Variants in IQCB1 observed in about 807,000 individuals in gnomAD.
IQCB1 encodes the protein IQ motif containing B1.
IQCB1 carries 56 observed loss-of-function variants against 84.4 expected under a neutral mutation model. The ratio of observed to expected loss-of-function variants is 0.66; its 90% CI spans 0.54 to 0.83. IQCB1 has a LOEUF of 0.83. IQCB1 is among the 40% of genes least tolerant of loss of function. The pLI, the probability that IQCB1 is intolerant of heterozygous loss-of-function variation, is 0.00. For synonymous variants in IQCB1, 210 were observed against 234.8 expected (o/e 0.89, Z 0.96); for missense variants, 629 against 682.1 (o/e 0.92, Z 0.87).
At chr3:121,796,868 G>A (rs1949212070) in intron 9 of IQCB1, among the ~76,000 whole-genome samples, 1 of 151,906 alleles carries the variant, frequency 6.6e-6, no homozygotes, top group Admixed American at 6.6e-5. Context: ...TTAAAGATGG[G>A]GTTTTGCTAT....
At chr3:121,820,724 T>G (rs1227432637) in intron 5 of IQCB1, among the ~76,000 whole-genome samples, 2 of 87,860 alleles carry the variant, frequency 2.3e-5, no homozygotes, top group Non-Finnish European at 4.7e-5. Flanking sequence ...ATATATTATA[T>G]ATTATCTGTA....
chr3:121,823,006 AAAC>A (rs1415481233), intron 5 of IQCB1, among the ~76,000 whole-genome samples: 4 of 152,200 alleles, frequency 2.6e-5, no homozygotes, highest in African/African-American at 4.8e-5. Flanking sequence ...TTGGATTTAT[AAAC>A]AACAACTTAA....
intron 2 of IQCB1, among the ~76,000 whole-genome samples, chr3:121,831,558 G>A (rs1215409980): frequency 6.6e-6 from 1 of 152,062 alleles, no homozygotes; most frequent in Non-Finnish European, 1.5e-5. Context: ...TCAGAAATGG[G>A]GGTCCCTCTT....
rs79886353 is a variant in IQCB1 at position 121,822,602 on chromosome 3, C to T, written c.393+3449G>A. Reference sequence around the variant, plus strand: ...AAATTACCAGCAATTTCATCTTTTGCCTAGTGCTGGGTATACAGAGTTTGG... The same window carrying T: ...AAATTACCAGCAATTTCATCTTTTGTCTAGTGCTGGGTATACAGAGTTTGG... On this transcript the variant is annotated intron_variant, in intron 5 of 14. Coordinates refer to ENST00000310864, the MANE Select transcript of IQCB1 (RefSeq NM_001023570.4). Among the ~76,000 whole-genome samples, 547 of 152,236 alleles carry T rather than the reference C, an allele frequency of 3.6e-3. 4 individuals are homozygous for T. Among genetic ancestry groups the T allele is most frequent in the African/African-American group, 0.013 (524 of 41,542 alleles).
At chr3:121,802,184 T>C (rs1479630991) in intron 7 of IQCB1, among the ~76,000 whole-genome samples, 1 of 152,080 alleles carries the variant, frequency 6.6e-6, no homozygotes, top group Non-Finnish European at 1.5e-5. Context: ...TTCGATTTTC[T>C]AGAAAAGTTT....
Position 121,797,139 on chromosome 3 carries a change from G to T in IQCB1, c.855C>A (p.Val285=). Residue 285 remains valine (V), a synonymous_variant, in exon 9 of 15, where the codon GTC becomes GTA. Coordinates refer to ENST00000310864, the MANE Select transcript of IQCB1 (RefSeq NM_001023570.4). Reference sequence around the variant, plus strand: ...ATACCTGCTCTTCTACTTCCTGATAGACCATTGGGCTTAAAAGGCCAACAA... The same window carrying T: ...ATACCTGCTCTTCTACTTCCTGATATACCATTGGGCTTAAAAGGCCAACAA... ...RQLVGLLSPM[V]YQEVEEQKLH... 1 of 1,592,074 alleles carries T rather than the reference G, an allele frequency of 6.3e-7. No homozygotes were observed. Among genetic ancestry groups the T allele is most frequent in the African/African-American group, 1.3e-5 (1 of 74,290 alleles).
At chr3:121,782,822 G>A (rs937420135) in intron 12 of IQCB1, among the ~76,000 whole-genome samples, 1 of 152,122 alleles carries the variant, frequency 6.6e-6, no homozygotes, top group Non-Finnish European at 1.5e-5. Context: ...TGGGATTACA[G>A]GCATGCACCA....
intron 12 of IQCB1, among the ~76,000 whole-genome samples, chr3:121,783,983 A>C (rs550686538): frequency 1.3e-5 from 2 of 152,248 alleles, no homozygotes; most frequent in African/African-American, 4.8e-5. Flanking sequence ...TTTTGTTCCT[A>C]GTATATCTTA....
intron 3 of IQCB1, 45 bp downstream of exon 3, chr3:121,828,816 A>AT (rs1428389802): frequency 9.7e-6 from 12 of 1,240,106 alleles, no homozygotes; most frequent in Non-Finnish European, 1.3e-5. Flanking sequence ...CGATGGAACC[A>AT]TTTTTCACTT....
intron 2 of IQCB1, among the ~76,000 whole-genome samples, chr3:121,830,262 C>A (rs1950593186): frequency 6.6e-6 from 1 of 151,100 alleles, no homozygotes; most frequent in African/African-American, 2.4e-5. Flanking sequence ...AAAATCAATT[C>A]TCCTAACATT....
chr3:121,807,461 A>G lies in IQCB1; in HGVS notation c.488-18T>C. 8.3e-7 allele frequency: 1 copy of G among 1,204,852 alleles called. No homozygotes were observed. The highest frequency in any genetic ancestry group is 1.2e-6 in the Non-Finnish European group (1 of 810,286). The allele number at this position is 1,204,852 out of a possible 1,614,324, so 74.6% of individuals were successfully genotyped here. On this transcript the variant is annotated intron_variant, in intron 6 of 14. Coordinates refer to ENST00000310864, the MANE Select transcript of IQCB1 (RefSeq NM_001023570.4). Reference sequence around the variant, plus strand: ...TTGTAGTACTAAAGGAAAAGAAAAAAAAAGAAAGATTAAAGTAAAGATTTT... The same window carrying G: ...TTGTAGTACTAAAGGAAAAGAAAAAGAAAGAAAGATTAAAGTAAAGATTTT...
chr3:121,803,967 G>C (rs1949511236), intron 7 of IQCB1, among the ~76,000 whole-genome samples: 1 of 151,200 alleles, frequency 6.6e-6, no homozygotes, highest in Non-Finnish European at 1.5e-5. Context: ...TCTACCACTT[G>C]GTTTTGTTTC....
chr3:121,790,006 G>C (rs2108547608), intron 11 of IQCB1, 67 bp downstream of exon 11: 1 of 1,389,288 alleles, frequency 7.2e-7, no homozygotes, highest in Non-Finnish European at 1.0e-6. Context: ...CACGTAGCTA[G>C]AAAAGTTGGT....
rs1399015125 is a variant in IQCB1 at position 121,790,223 on chromosome 3, G to A, written c.987-8C>T. On this transcript the variant is annotated splice_polypyrimidine_tract_variant and splice_region_variant and intron_variant, in intron 10 of 14. Coordinates refer to ENST00000310864, the MANE Select transcript of IQCB1 (RefSeq NM_001023570.4). ...ATCTTTGATCGTTTGGATCTGTGAT[G>A]GAAACAGTGTGTTATACATAATTTT... 2 of 1,612,264 alleles carry A rather than the reference G, an allele frequency of 1.2e-6. No homozygotes were observed. Among genetic ancestry groups the A allele is most frequent in the South Asian group, 2.2e-5 (2 of 90,986 alleles).
intron 5 of IQCB1, among the ~76,000 whole-genome samples, chr3:121,817,110 G>A (rs1950091673): frequency 1.3e-5 from 2 of 152,144 alleles, no homozygotes; most frequent in South Asian, 4.1e-4. Flanking sequence ...CCTTTGCAGG[G>A]ACATGGATGA....
At chr3:121,824,064 C>T (rs1950367976) in intron 5 of IQCB1, among the ~76,000 whole-genome samples, 2 of 152,034 alleles carry the variant, frequency 1.3e-5, no homozygotes, top group Admixed American at 6.6e-5. Flanking sequence ...AAAAGCAAGA[C>T]CTGACAATAC....
chr3:121,781,136 G>A (rs546226899), intron 13 of IQCB1, among the ~76,000 whole-genome samples: 2 of 152,178 alleles, frequency 1.3e-5, no homozygotes, highest in Non-Finnish European at 2.9e-5. Flanking sequence ...GACAGGAGTG[G>A]TGAGTTATTC....
chr3:121,834,869 C>G (rs1351975268), intron 1 of IQCB1, 97 bp downstream of exon 1: 2 of 276,196 alleles, frequency 7.2e-6, no homozygotes, highest in South Asian at 3.8e-5. Flanking sequence ...AGAGCTCTTA[C>G]AAGCCGGCTG....
chr3:121,828,690 T>C, intron 3 of IQCB1, 58 bp from the exon 4 acceptor site: 2 of 1,249,412 alleles, frequency 1.6e-6, no homozygotes, highest in Admixed American at 1.9e-5. Flanking sequence ...AGGAGCTATT[T>C]GTATTTTTAT....
Sources: allele counts gnomAD v4.1 joint callset (sites outside exome capture counted in the v4.1 genomes callset), GRCh38; gene constraint gnomAD v4.1.1; transcripts MANE v1.5; gene names NCBI Gene and HGNC (gene_info 2026-07-23, HGNC 2026-07-21).